NUMA1: variants seen among roughly 807,000 people sequenced by gnomAD.
The protein encoded by NUMA1 is SP-H antigen.
In NUMA1, 62 loss-of-function variants were observed where a neutral mutation model predicts 237.1. That is an observed-to-expected ratio of 0.26 (90% CI 0.21 to 0.32). The LOEUF is 0.32. Ranked by LOEUF, NUMA1 falls within the 10% of genes least tolerant of loss-of-function variation. NUMA1 has a pLI of 1.00. For synonymous variants in NUMA1, 1,028 were observed against 1,066.1 expected (o/e 0.96, Z 0.70); for missense variants, 2,533 against 2,666.5 (o/e 0.95, Z 1.10).
At chr11:72,080,403 G>C (rs1944068129) in intron 1 of NUMA1, 55 bp downstream of exon 1, 1 of 151,978 alleles carries the variant, frequency 6.6e-6, no homozygotes, top group Non-Finnish European at 1.5e-5. Flanking sequence ...TTTTAGGCCT[G>C]AGCACCCGCA....
intron 10 of NUMA1, 88 bp from the exon 11 acceptor site, chr11:72,018,601 A>G: frequency 8.2e-7 from 1 of 1,220,380 alleles, no homozygotes; most frequent in Non-Finnish European, 1.2e-6. Context: ...CACAAGGGGA[A>G]GGGAGGAGAC....
chr11:72,004,491 A>G (rs1279993672), intron 24 of NUMA1, 149 bp downstream of exon 24: 5 of 1,210,352 alleles, frequency 4.1e-6, no homozygotes, highest in Non-Finnish European at 5.9e-6. Flanking sequence ...TCCCTTCCCA[A>G]CAGTTCCCAT....
In NUMA1 at chr11:72,012,945, G is replaced by A. The variant is rs761081133; in HGVS notation, c.4558C>T (p.Leu1520=). The A allele has an allele frequency of 1.9e-6, 3 of 1,614,048 alleles. No individual in the cohort carries two copies. Among genetic ancestry groups the A allele is most frequent in the East Asian group, 4.5e-5 (2 of 44,886 alleles). The part of the protein sequence containing the change: ...AKYEGAKVKV[L]EERQRFQEER... ...TCCTGGAACCGCTGCCTCTCCTCCA[G>A]GACCTTGACCTTGGCACCCTCATAC... Residue 1520 remains leucine (L), a synonymous_variant, in exon 15 of 27, where the codon CTG becomes TTG. Coordinates refer to ENST00000393695, the MANE Select transcript of NUMA1 (RefSeq NM_006185.4).
chr11:72,022,246 A>G (rs1938955265), intron 7 of NUMA1, 93 bp downstream of exon 7: 2 of 709,190 alleles, frequency 2.8e-6, no homozygotes, highest in Non-Finnish European at 4.7e-6. Context: ...GTATTTTTAA[A>G]AAGTCCAGTA....
chr11:72,019,559 G>C lies in NUMA1; in HGVS notation c.519C>G (p.His173Gln), dbSNP rs1938436531. The change falls in exon 9 of 27, where the codon CAC becomes CAG. Residue 173 changes from histidine to glutamine, a missense_variant. His to Gln is a conservative substitution (Grantham distance 24). Transcript: ENST00000393695. Reference sequence around the variant, plus strand: ...GGAAGCGAATCTCCCTCTTGGCCTGGTGGCTAGGTGGGGAGAGCTCTTCAG... The same window carrying C: ...GGAAGCGAATCTCCCTCTTGGCCTGCTGGCTAGGTGGGGAGAGCTCTTCAG... Reference protein sequence around the residue: ...TFPEELSPPSHQAKREIRFLE... With the variant: ...TFPEELSPPSQQAKREIRFLE... The C allele has an allele frequency of 6.2e-7, 1 of 1,614,070 alleles. No homozygotes were observed. The highest frequency in any genetic ancestry group is 8.5e-7 in the Non-Finnish European group (1 of 1,179,932).
chr11:72,044,617 G>T (rs1941887407), intron 2 of NUMA1, among the ~76,000 whole-genome samples: 2 of 148,714 alleles, frequency 1.3e-5, no homozygotes, highest in African/African-American at 5.0e-5. Context: ...GGGGGGAGGA[G>T]TTAGATTGTA....
intron 2 of NUMA1, among the ~76,000 whole-genome samples, chr11:72,039,363 C>G (rs568693637): frequency 2.6e-5 from 4 of 152,350 alleles, no homozygotes; most frequent in Admixed American, 1.3e-4. Context: ...CTCTCCTTAC[C>G]CCGCCCTTGG....
Position 72,013,018 on chromosome 11 carries a change from C to T in NUMA1, c.4485G>A (p.Gln1495=). The T allele has an allele frequency of 6.2e-7, 1 of 1,614,202 alleles. No homozygotes were observed. The highest frequency in any genetic ancestry group is 1.1e-5 in the South Asian group (1 of 91,090). The change falls in exon 15 of 27, where the codon CAG becomes CAA. Residue 1495 remains glutamine (Q), a synonymous_variant. Transcript: ENST00000393695. The surrounding 1 kb of genome is among the most constrained non-coding windows in gnomAD (Gnocchi z 6.8). ...ADAETRLAEV[Q]REAQSTAREL... is the part of the protein sequence containing the mutation. ...CCCGGGCAGTGCTCTGTGCTTCTCG[C>T]TGCACCTCAGCCAGACGGGTCTCAG...
Position 72,012,941 on chromosome 11 carries a change from T to C in NUMA1, c.4562A>G (p.Glu1521Gly). ...KYEGAKVKVL[E>G]ERQRFQEERQ... The stretch of plus-strand genomic sequence containing the variant: ...CTCTTCCTGGAACCGCTGCCTCTCC[T>C]CCAGGACCTTGACCTTGGCACCCTC... Residue 1521 changes from glutamate (E) to glycine (G), a missense_variant, in exon 15 of 27, where the codon GAG becomes GGG. By Grantham distance (98) the Glu-to-Gly change is moderately conservative (BLOSUM62 -2). Coordinates refer to ENST00000393695, the MANE Select transcript of NUMA1 (RefSeq NM_006185.4). 2.5e-6 allele frequency: 4 copies of C among 1,614,156 alleles called. No individual in the cohort carries two copies. Among genetic ancestry groups the C allele is most frequent in the Non-Finnish European group, 2.5e-6 (3 of 1,180,026 alleles).
In NUMA1 at chr11:72,013,377, C is replaced by T. The variant is rs1385201372; in HGVS notation, c.4126G>A (p.Ala1376Thr). The change falls in exon 15 of 27, where the codon GCT becomes ACT. Residue 1376 changes from alanine to threonine, a missense_variant. Ala to Thr is a moderately conservative substitution (Grantham distance 58). Coordinates refer to ENST00000393695, the MANE Select transcript of NUMA1 (RefSeq NM_006185.4). The surrounding 1 kb of genome is among the most constrained non-coding windows in gnomAD (Gnocchi z 6.8). ...LCQQLQAEQA[A>T]AEKRHREELE... ...TCCTCACGGTGGCGTTTCTCGGCAG[C>T]GGCCTGCTCGGCCTGCAGCTGCTGG... 3.7e-6 allele frequency: 6 copies of T among 1,610,614 alleles called. No individual in the cohort carries two copies. The highest frequency in any genetic ancestry group is 3.3e-5 in the Admixed American group (2 of 59,954).
chr11:72,009,466 C>G, intron 17 of NUMA1, 79 bp from the exon 18 acceptor site: 1 of 1,500,836 alleles, frequency 6.7e-7, no homozygotes, highest in Non-Finnish European at 8.8e-7. Flanking sequence ...CACTGGGGCT[C>G]CACAGGTGCT....
At chr11:72,024,123 A>T (rs1939252969) in intron 5 of NUMA1, 151 bp downstream of exon 5, 9 of 629,668 alleles carry the variant, frequency 1.4e-5, no homozygotes, top group African/African-American at 3.7e-5. Flanking sequence ...GACCCAGGGG[A>T]TCTGAACCAG....
chr11:72,047,114 T>C (rs1942045406), intron 2 of NUMA1, among the ~76,000 whole-genome samples: 1 of 152,162 alleles, frequency 6.6e-6, no homozygotes, highest in Non-Finnish European at 1.5e-5. Context: ...CCTGAGTAGC[T>C]GGGACTACAT....
intron 16 of NUMA1, among the ~76,000 whole-genome samples, chr11:72,011,265 C>T (rs948670303): frequency 6.6e-6 from 1 of 152,222 alleles, no homozygotes; most frequent in South Asian, 2.1e-4. Context: ...ATTCCCATGC[C>T]TCCCTCCCAG....
chr11:72,022,334 C>A lies in NUMA1; in HGVS notation c.372+5G>T. The A allele has an allele frequency of 6.2e-7, 1 of 1,607,804 alleles. No homozygotes were observed. The highest frequency in any genetic ancestry group is 8.5e-7 in the Non-Finnish European group (1 of 1,175,008). ...GCTAGGTGGCATGGAGGCACAAGGG[C>A]TTACCTGAATTTTATATTCAAACTG... On this transcript the variant is annotated splice_donor_5th_base_variant and intron_variant, in intron 7 of 26. Transcript: ENST00000393695.
In NUMA1 at chr11:72,003,296, T is replaced by G; in HGVS notation, c.*231A>C. On this transcript the variant is annotated 3_prime_UTR_variant, in exon 27 of 27. Coordinates refer to ENST00000393695, the MANE Select transcript of NUMA1 (RefSeq NM_006185.4). ...TGCTTTAAGAAAAAAGGAGGCAAGG[T>G]AGGGAGAGCGCCCACACTGTCCATG... The G allele has an allele frequency of 3.6e-6, 2 of 556,636 alleles. No homozygotes were observed. Among genetic ancestry groups the G allele is most frequent in the East Asian group, 3.0e-5 (1 of 33,786 alleles). The allele number at this position is 556,636 out of a possible 1,614,324, so 34.5% of individuals were successfully genotyped here. A position where few individuals can be genotyped will look rare whatever the true frequency, so the allele number is the denominator to read the frequency against.
At chr11:72,021,798 G>C (rs1005034924) in intron 7 of NUMA1, among the ~76,000 whole-genome samples, 2 of 151,922 alleles carry the variant, frequency 1.3e-5, no homozygotes, top group Non-Finnish European at 2.9e-5. Context: ...ATTTTTTGTT[G>C]AGACAGGGTC....
intron 24 of NUMA1, 118 bp downstream of exon 24, chr11:72,004,522 G>T: frequency 8.0e-7 from 1 of 1,247,292 alleles, no homozygotes; most frequent in Non-Finnish European, 1.1e-6. Flanking sequence ...GGCCCTTGGA[G>T]AGAGGGAAAG....
intron 2 of NUMA1, chr11:72,049,582 T>G (rs1163808188): frequency 4.8e-5 from 1 of 20,636 alleles, no homozygotes; most frequent in Admixed American, 3.0e-4. Context: ...TATATATATA[T>G]AGTGTGTGTG....
Sources: gnomAD v4.1 joint callset for allele counts (sites outside exome capture counted in the v4.1 genomes callset) on GRCh38, gnomAD v4.1.1 for gene constraint, Gnocchi (gnomAD v3.1) non-coding constraint, MANE v1.5 for transcripts, NCBI Gene and HGNC (gene_info 2026-07-23, HGNC 2026-07-21) for gene names.